The following HBP1 variants were observed in gnomAD, a reference collection of about 807,000 sequenced individuals.
HBP1 encodes the protein HMG box-containing protein 1.
Under a neutral mutation model 62.6 loss-of-function variants are expected in HBP1, and 20 were observed. The ratio of observed to expected loss-of-function variants is 0.32; its 90% confidence interval spans 0.22 to 0.46. HBP1 has a LOEUF of 0.46. Ranked by LOEUF, HBP1 falls within the 20% of genes least tolerant of loss-of-function variation. The probability of loss-of-function intolerance (pLI) is 1.00; values close to 1 mark genes in which losing one functional copy is unlikely to be tolerated. For synonymous variants in HBP1, 232 were observed against 206.2 expected, an observed-to-expected ratio of 1.12 and a Z score of -1.07; for missense variants, 480 against 611.8, an observed-to-expected ratio of 0.78 and a Z score of 2.27.
rs771614394 is a variant in HBP1 at position 107,182,364 on chromosome 7, T to G, written c.170-9T>G. 1 of 1,505,434 alleles carries G rather than the reference T, an allele frequency of 6.6e-7. No homozygotes were observed. The highest frequency in any genetic ancestry group is 9.2e-7 in the Non-Finnish European group (1 of 1,081,148). The allele number at this position is 1,505,434 out of a possible 1,614,324, so 93.3% of individuals were successfully genotyped here. A position where few individuals can be genotyped will look rare whatever the true frequency, so the allele number is the denominator to read the frequency against. On this transcript the variant is annotated splice_polypyrimidine_tract_variant and intron_variant, in intron 2 of 10. Transcript: ENST00000222574. ...TCCTTTTTATGATTTTGAGTGTGCT[T>G]ATTTGCAGATGACCTTCCTGAACTT... is the stretch of plus-strand genomic sequence containing the variant.
chr7:107,182,251 A>G (rs1797142713), intron 2 of HBP1, 122 bp from the exon 3 acceptor site: 1 of 620,976 alleles, frequency 1.6e-6, no homozygotes, highest in Non-Finnish European at 2.9e-6. Flanking sequence ...TGTTAAATTT[A>G]TGATTTTCCT....
rs772283312 is a variant in HBP1 at position 107,195,147 on chromosome 7, G to C, written c.1068-687G>C. On this transcript the variant is annotated intron_variant, in intron 8 of 10. Transcript: ENST00000222574. ...AGCGATTCTCCTGCCTCAGTCACCC[G>C]AATAGCTGGGATTACAGGCATGTGC... Among the ~76,000 whole-genome samples, 3 of 152,118 alleles carry C rather than the reference G, an allele frequency of 2.0e-5. No individual in the cohort carries two copies. In the East Asian group the frequency reaches 5.8e-4, roughly 29 times the overall value.
intron 2 of HBP1, among the ~76,000 whole-genome samples, chr7:107,180,863 A>G (rs1031649573): frequency 2.0e-5 from 3 of 152,194 alleles, no homozygotes; most frequent in Non-Finnish European, 4.4e-5. Flanking sequence ...CATTTTAATC[A>G]GGTAGTTGAT....
chr7:107,194,994 T>C (rs1273665152), intron 8 of HBP1, among the ~76,000 whole-genome samples: 3 of 152,246 alleles, frequency 2.0e-5, no homozygotes, highest in Non-Finnish European at 2.9e-5. Flanking sequence ...TGGCTCTCTT[T>C]ACCTAAACAA....
At chr7:107,199,735 T>TATC (rs1554390771) in intron 9 of HBP1, among the ~76,000 whole-genome samples, 1 of 152,258 alleles carries the variant, frequency 6.6e-6, no homozygotes, top group Non-Finnish European at 1.5e-5. Flanking sequence ...GATGTAGTCT[T>TATC]ATCAGTTTAA....
rs374096321 is a variant in HBP1, at chr7:107,200,066, T to TTAAC, written c.1386-92_1386-89dup. ...GTGATAGACAAGATTTTCATCTTTT[T>TTAAC]TAACTTCACATTTTTCTCCTGAAGT... On this transcript the variant is annotated intron_variant, in intron 9 of 10. Coordinates refer to ENST00000222574, the MANE Select transcript of HBP1 (RefSeq NM_012257.4). 7.8e-6 allele frequency: 8 copies of TTAAC among 1,019,474 alleles called. No individual in the cohort carries two copies. The African/African-American group carries it at 1.2e-4, about 15-fold the overall frequency. 63.2% of individuals were successfully genotyped at this position (1,019,474 alleles called of 1,614,324 possible). A position where few individuals can be genotyped will look rare whatever the true frequency, so the allele number is the denominator to read the frequency against.
intron 8 of HBP1, 93 bp from the exon 9 acceptor site, chr7:107,195,741 A>T: frequency 1.6e-6 from 1 of 614,752 alleles, no homozygotes. Context: ...ATTTCCAATC[A>T]GATGTTTTCT....
chr7:107,196,227 G>A, intron 9 of HBP1, 76 bp downstream of exon 9: 1 of 881,108 alleles, frequency 1.1e-6, no homozygotes, highest in South Asian at 1.4e-5. Flanking sequence ...GAATAGTTAA[G>A]TAAACTTATT....
chr7:107,185,371 A>G (rs1054904690), intron 3 of HBP1, among the ~76,000 whole-genome samples: 2 of 152,320 alleles, frequency 1.3e-5, no homozygotes, highest in Admixed American at 1.3e-4. Context: ...TTGGTAGATA[A>G]AGAGTTCAGA....
chr7:107,177,670 CAT>C (rs1796919196), intron 1 of HBP1, among the ~76,000 whole-genome samples: 1 of 152,088 alleles, frequency 6.6e-6, no homozygotes, highest in South Asian at 2.1e-4. Context: ...GAAAAAATAA[CAT>C]AGGAAAATGC....
intron 1 of HBP1, among the ~76,000 whole-genome samples, chr7:107,179,293 A>G (rs1796999211): frequency 1.3e-5 from 2 of 152,224 alleles, no homozygotes; most frequent in African/African-American, 4.8e-5. Context: ...AGGTTAAATA[A>G]AAGTATATAC....
At chr7:107,198,724 A>G (rs1798049672) in intron 9 of HBP1, among the ~76,000 whole-genome samples, 1 of 152,248 alleles carries the variant, frequency 6.6e-6, no homozygotes, top group African/African-American at 2.4e-5. Context: ...AATGGAGACT[A>G]GAACAGGTCA....
chr7:107,200,697 A>G (rs900283626), intron 10 of HBP1: 2 of 156,086 alleles, frequency 1.3e-5, no homozygotes, highest in African/African-American at 4.8e-5. Context: ...TGAGGGACCA[A>G]TAAGGCTGGA....
intron 8 of HBP1, 21 bp downstream of exon 8, chr7:107,190,338 T>C (rs1797591524): frequency 1.3e-6 from 2 of 1,557,582 alleles, no homozygotes; most frequent in East Asian, 2.3e-5. Flanking sequence ...ATTAATTCTT[T>C]GTTTTATTTT....
chr7:107,172,227 A>G (rs1161601825), intron 1 of HBP1, among the ~76,000 whole-genome samples: 1 of 152,158 alleles, frequency 6.6e-6, no homozygotes, highest in Non-Finnish European at 1.5e-5. Context: ...TTTATAGATA[A>G]TGTAAAAATG....
intron 1 of HBP1, among the ~76,000 whole-genome samples, chr7:107,170,976 T>TAC (rs1554380305): frequency 7.0e-6 from 1 of 143,160 alleles, no homozygotes; most frequent in Non-Finnish European, 1.5e-5. Flanking sequence ...ATATATAACA[T>TAC]ACATGTATAT....
At chr7:107,186,503 A>G in intron 5 of HBP1, 31 bp downstream of exon 5, 1 of 1,580,472 alleles carries the variant, frequency 6.3e-7, no homozygotes, top group Non-Finnish European at 8.7e-7. Context: ...AAAACCTTGA[A>G]TTTTCCACAG....
At chr7:107,188,310 C>T (rs954959675) in intron 6 of HBP1, among the ~76,000 whole-genome samples, 3 of 152,158 alleles carry the variant, frequency 2.0e-5, no homozygotes, top group African/African-American at 7.2e-5. Context: ...TACTTTCCTC[C>T]TATTCTTTCA....
chr7:107,187,735 G>A (rs1171735376), intron 6 of HBP1, among the ~76,000 whole-genome samples: 4 of 152,202 alleles, frequency 2.6e-5, no homozygotes, highest in African/African-American at 9.6e-5. Flanking sequence ...TTTCTAGGAA[G>A]AGAGACGTCG....
Sources: allele counts gnomAD v4.1 joint callset (sites outside exome capture counted in the v4.1 genomes callset), GRCh38; gene constraint gnomAD v4.1.1; transcripts MANE v1.5; gene names NCBI Gene and HGNC (gene_info 2026-07-23, HGNC 2026-07-21).